The following SGCD variants were observed in gnomAD, a reference collection of about 807,000 sequenced individuals.
SGCD encodes delta-sarcoglycan.
Under a neutral mutation model 36.6 loss-of-function variants are expected in SGCD, and 18 were observed. The ratio of observed to expected loss-of-function variants is 0.49; its 90% CI spans 0.34 to 0.73. The LOEUF (loss-of-function observed/expected upper bound fraction) is 0.73. Among genes scored for constraint, SGCD ranks in the 30% least tolerant of loss-of-function variants. SGCD has a pLI of 0.01. For synonymous variants in SGCD, 133 were observed against 130.6 expected (o/e 1.02, Z -0.12); for missense variants, 387 against 346.7 (o/e 1.12, Z -0.92).
chr5:156,441,841 C>T (rs962144586), intron 3 of SGCD, among the ~76,000 whole-genome samples: 7 of 152,260 alleles, frequency 4.6e-5, no homozygotes, highest in Non-Finnish European at 1.0e-4. Context: ...TCATTTACTT[C>T]CTGAGTGCTG....
intron 4 of SGCD, among the ~76,000 whole-genome samples, chr5:156,547,853 T>C (rs1019771343): frequency 6.6e-6 from 1 of 152,242 alleles, no homozygotes; most frequent in Non-Finnish European, 1.5e-5. Flanking sequence ...GCTGCAGGAA[T>C]CAAATCTGTG....
chr5:155,850,109 G>C, the SGCD span, among the ~76,000 whole-genome samples: 1 of 149,784 alleles, frequency 6.7e-6, no homozygotes, highest in African/African-American at 2.4e-5. Context: ...TAAGTACCTT[G>C]TTTCTCCATA....
At chr5:155,871,042 G>T (rs905489957) in intron 1 of SGCD, among the ~76,000 whole-genome samples, 2 of 150,490 alleles carry the variant, frequency 1.3e-5, no homozygotes, top group African/African-American at 4.9e-5. Context: ...ATTGATTTCG[G>T]TTTTTTTTTG....
chr5:155,865,057 T>C, the SGCD span, among the ~76,000 whole-genome samples: 1 of 151,226 alleles, frequency 6.6e-6, no homozygotes, highest in East Asian at 2.0e-4. Flanking sequence ...CCCAAAGAAC[T>C]TTTATTTATG....
upstream of SGCD, among the ~76,000 whole-genome samples, chr5:156,324,582 G>A (rs1767755243): frequency 6.6e-6 from 1 of 152,110 alleles, no homozygotes; most frequent in Non-Finnish European, 1.5e-5. Context: ...CTCTCCAGAT[G>A]CCCACATTGA....
At chr5:156,100,232 A>G (rs1761489385) in intron 1 of SGCD, among the ~76,000 whole-genome samples, 1 of 152,088 alleles carries the variant, frequency 6.6e-6, no homozygotes, top group South Asian at 2.1e-4. Flanking sequence ...GAGCCAAAAA[A>G]CATTCATTCT....
intron 3 of SGCD, among the ~76,000 whole-genome samples, chr5:156,276,374 G>A (rs530960626): frequency 1.3e-5 from 2 of 151,992 alleles, no homozygotes; most frequent in African/African-American, 2.4e-5. Flanking sequence ...TCAAAACCTC[G>A]ACCAAGGTTT....
At chr5:156,165,694 C>G (rs1350293568) in intron 3 of SGCD, among the ~76,000 whole-genome samples, 1 of 152,290 alleles carries the variant, frequency 6.6e-6, no homozygotes, top group South Asian at 2.1e-4. Flanking sequence ...GTTTAGAAAT[C>G]TTGCAAATAT....
At chr5:155,823,519 C>T in the SGCD span, among the ~76,000 whole-genome samples, 1 of 152,098 alleles carries the variant, frequency 6.6e-6, no homozygotes, top group Non-Finnish European at 1.5e-5. Flanking sequence ...CACCCCATGA[C>T]CCAGACAAAT....
chr5:156,185,256 C>A (rs921487288), intron 3 of SGCD, among the ~76,000 whole-genome samples: 1 of 146,654 alleles, frequency 6.8e-6, no homozygotes, highest in South Asian at 2.1e-4. Context: ...GCTCTGTTGC[C>A]CAGGCTGGAG....
chr5:155,764,212 A>G, the SGCD span, among the ~76,000 whole-genome samples: 1 of 152,198 alleles, frequency 6.6e-6, no homozygotes, highest in Non-Finnish European at 1.5e-5. Flanking sequence ...AAGAGCTAAT[A>G]CAAATTTAAA....
intron 1 of SGCD, among the ~76,000 whole-genome samples, chr5:156,053,108 A>G (rs185377422): frequency 1.4e-5 from 2 of 146,752 alleles, no homozygotes; most frequent in Admixed American, 1.4e-4. Context: ...GCTTGTCCCT[A>G]CCTAGTAGCT....
chr5:156,184,032 A>C (rs533814433), intron 3 of SGCD, among the ~76,000 whole-genome samples: 1 of 152,348 alleles, frequency 6.6e-6, no homozygotes, highest in South Asian at 2.1e-4. Context: ...TAACCTACCA[A>C]ACATCATAGT....
intron 2 of SGCD, among the ~76,000 whole-genome samples, chr5:156,331,559 A>G (rs1243746122): frequency 6.6e-6 from 1 of 152,194 alleles, no homozygotes; most frequent in Non-Finnish European, 1.5e-5. Flanking sequence ...CTATATTGCC[A>G]GGGATTAGAA....
intron 3 of SGCD, among the ~76,000 whole-genome samples, chr5:156,353,572 T>C (rs963763462): frequency 1.5e-4 from 23 of 152,302 alleles, no homozygotes; most frequent in Non-Finnish European, 3.2e-4. Flanking sequence ...TACTTTTCAT[T>C]TAACACTGTT....
chr5:156,126,410 A>C (rs1220068431), intron 3 of SGCD, among the ~76,000 whole-genome samples: 2 of 152,158 alleles, frequency 1.3e-5, no homozygotes, highest in African/African-American at 2.4e-5. Flanking sequence ...TGGCTATAAA[A>C]ATTTTTCTGG....
intron 1 of SGCD, among the ~76,000 whole-genome samples, chr5:155,956,557 T>C (rs1421208206): frequency 6.6e-6 from 1 of 152,064 alleles, no homozygotes; most frequent in Admixed American, 6.6e-5. Flanking sequence ...TACCACAAAC[T>C]TGGTGTTTTC....
chr5:155,940,876 A>AAC (rs1757309178), intron 1 of SGCD, among the ~76,000 whole-genome samples: 1 of 120,258 alleles, frequency 8.3e-6, no homozygotes, highest in African/African-American at 3.8e-5. Context: ...CAACAACAAC[A>AAC]AAAAAAACAT....
chr5:156,161,008 A>G (rs1482505782), intron 3 of SGCD, among the ~76,000 whole-genome samples: 2 of 151,750 alleles, frequency 1.3e-5, no homozygotes, highest in African/African-American at 2.4e-5. Flanking sequence ...TTGAGTTCCA[A>G]TAAAACTTGA....
Sources: allele counts gnomAD v4.1 joint callset (sites outside exome capture counted in the v4.1 genomes callset), GRCh38; gene constraint gnomAD v4.1.1; transcripts MANE v1.5; gene names NCBI Gene and HGNC (gene_info 2026-07-23, HGNC 2026-07-21).